Variants in CD163L1 observed in about 807,000 individuals in gnomAD.
CD163L1 encodes the protein scavenger receptor cysteine-rich type 1 protein M160.
In CD163L1, 124 loss-of-function variants were observed where a neutral mutation model predicts 165.4. The observed-to-expected ratio is 0.75, with a 90% CI of 0.65 to 0.87. The LOEUF (loss-of-function observed/expected upper bound fraction) is 0.87, where lower values mean the gene tolerates loss of function less well. Among genes scored for constraint, CD163L1 ranks in the 40% least tolerant of loss-of-function variants. The pLI is 0.00. For synonymous variants in CD163L1, 585 were observed against 662.2 expected, an observed-to-expected ratio of 0.88 and a Z score of 1.79; for missense variants, 1,525 against 1,799.9, an observed-to-expected ratio of 0.85 and a Z score of 2.76.
intron 2 of CD163L1, among the ~76,000 whole-genome samples, 187 bp from the exon 3 acceptor site, chr12:7,433,881 C>G (rs1044754303): frequency 1.3e-5 from 2 of 152,104 alleles, no homozygotes; most frequent in Non-Finnish European, 2.9e-5. Flanking sequence ...GAACTAGAGA[C>G]CACATTGCAG....
At chr12:7,363,219 G>T (rs1011727456) in intron 18 of CD163L1, among the ~76,000 whole-genome samples, 2 of 152,020 alleles carry the variant, frequency 1.3e-5, no homozygotes, top group Non-Finnish European at 2.9e-5. Context: ...TGAGGCAGGA[G>T]ATTTGCTTGA....
chr12:7,379,712 C>G (rs1285098446), intron 8 of CD163L1, among the ~76,000 whole-genome samples: 1 of 151,898 alleles, frequency 6.6e-6, no homozygotes, highest in Non-Finnish European at 1.5e-5. Context: ...AATGAAAAGT[C>G]AAGGAAAAAC....
At chr12:7,418,000 G>A (rs916284855) in intron 4 of CD163L1, among the ~76,000 whole-genome samples, 1 of 136,734 alleles carries the variant, frequency 7.3e-6, no homozygotes, top group Non-Finnish European at 1.5e-5. Flanking sequence ...GAGTGTAGAG[G>A]TAAAAATGGC....
rs144552492 is a variant in CD163L1 at position 7,379,147 on chromosome 12, C to T, written c.2202G>A (p.Gly734=). 266 of 1,614,024 alleles carry T rather than the reference C, an allele frequency of 1.6e-4. No homozygotes were observed. The highest frequency in any genetic ancestry group is 6.8e-4 in the South Asian group (62 of 91,074). ...AEVVCRQLEC[G]SAIRVSREPH... Reference sequence around the variant, plus strand: ...GCTCTCTGGAGACCCTGATTGCAGACCCACATTCAAGTTGCCTGCAAACAA... The same window carrying T: ...GCTCTCTGGAGACCCTGATTGCAGATCCACATTCAAGTTGCCTGCAAACAA... The change falls in exon 9 of 20, where the codon GGG becomes GGA. Residue 734 remains glycine (G), a synonymous_variant. Transcript: ENST00000313599.
chr12:7,395,160 C>T (rs969078515), intron 8 of CD163L1, among the ~76,000 whole-genome samples: 1 of 152,164 alleles, frequency 6.6e-6, no homozygotes, highest in African/African-American at 2.4e-5. Flanking sequence ...TTTATTGCGG[C>T]ACTATTCACA....
intron 4 of CD163L1, among the ~76,000 whole-genome samples, chr12:7,427,030 CCT>C (rs1948555838): frequency 6.6e-6 from 1 of 151,904 alleles, no homozygotes; most frequent in Non-Finnish European, 1.5e-5. Flanking sequence ...TATATGAGCC[CCT>C]GTCAAAGCAC....
intron 4 of CD163L1, among the ~76,000 whole-genome samples, chr12:7,421,582 T>TACAC (rs1948422983): frequency 1.4e-5 from 1 of 69,690 alleles, no homozygotes; most frequent in African/African-American, 5.6e-5. Flanking sequence ...TACATGTACA[T>TACAC]ATATACATAT....
chr12:7,433,465 A>C lies in CD163L1; in HGVS notation c.354T>G (p.Tyr118Ter). Reference sequence around the variant, plus strand: ...ATTCCCAGAGAGCTGACTCATTTCCATAACAGGAAACATCATCAAGCCAAA... The same window carrying C: ...ATTCCCAGAGAGCTGACTCATTTCCCTAACAGGAAACATCATCAAGCCAAA... ...GKIWLDDVSCYGNESALWECQ... is the reference protein window; with the variant it reads ...GKIWLDDVSC The change falls in exon 3 of 20, where the codon TAT (tyrosine) becomes TAG (stop). Residue 118 changes from tyrosine to a stop codon, truncating the protein, a stop_gained. Transcript: ENST00000313599. LOFTEE classifies it high-confidence loss of function. 1 of 1,614,108 alleles carries C rather than the reference A, an allele frequency of 6.2e-7. No individual in the cohort carries two copies. The highest frequency in any genetic ancestry group is 8.5e-7 in the Non-Finnish European group (1 of 1,179,984).
rs1457930517 is a variant in CD163L1, at chr12:7,354,973, T to G, written c.*182A>C. 6.6e-6 allele frequency: 1 copy of G among 152,176 alleles called. No individual in the cohort carries two copies. The highest frequency in any genetic ancestry group is 1.5e-5 in the Non-Finnish European group (1 of 68,016). 9.4% of individuals were successfully genotyped at this position (152,176 alleles called of 1,614,324 possible). A position where few individuals can be genotyped will look rare whatever the true frequency, so the allele number is the denominator to read the frequency against. The stretch of plus-strand genomic sequence containing the variant: ...ACATTCAGTCCATTTAACAGTGATA[T>G]ACATAATTCAATTTTTATTATCACC... On this transcript the variant is annotated 3_prime_UTR_variant, in exon 20 of 20. Transcript: ENST00000313599.
At chr12:7,328,447 A>G in the CD163L1 span, 1 of 1,166,460 alleles carries the variant, frequency 8.6e-7, no homozygotes, top group South Asian at 1.6e-5. Context: ...TAATTCAGCG[A>G]CTACTCTCTT....
chr12:7,420,822 T>C (rs1028281136), intron 4 of CD163L1, among the ~76,000 whole-genome samples: 44 of 151,640 alleles, frequency 2.9e-4, no homozygotes, highest in Non-Finnish European at 1.0e-4. Context: ...AAACTATCAT[T>C]AGACCCAACA....
intron 8 of CD163L1, among the ~76,000 whole-genome samples, chr12:7,379,541 G>C (rs1469561612): frequency 6.6e-6 from 1 of 152,068 alleles, no homozygotes; most frequent in Non-Finnish European, 1.5e-5. Flanking sequence ...AACATTTCTG[G>C]CTTACAAAGC....
At chr12:7,409,385 A>G (rs1408706146) in intron 4 of CD163L1, among the ~76,000 whole-genome samples, 1 of 151,990 alleles carries the variant, frequency 6.6e-6, no homozygotes, top group Non-Finnish European at 1.5e-5. Flanking sequence ...TGTGGAAAAA[A>G]ATTTTTCCAC....
Position 7,432,577 on chromosome 12 carries a change from AAAG to A in CD163L1, c.602_604del (p.Ser201del), listed in dbSNP as rs1435430881. The A allele has an allele frequency of 1.2e-6, 2 of 1,614,176 alleles. No homozygotes were observed. Among genetic ancestry groups the A allele is most frequent in the Non-Finnish European group, 1.7e-6 (2 of 1,180,020 alleles). ...GCTATTAACAACTCCAGAAGAAATA[AAAG>A]AAGATGGACATCCTAGTTGCCTGCA... On this transcript the variant is annotated inframe_deletion, in exon 4 of 20. Coordinates refer to ENST00000313599, the MANE Select transcript of CD163L1 (RefSeq NM_174941.6). The surrounding 1 kb of genome is among the most constrained non-coding windows in gnomAD (Gnocchi z 4.2).
Position 7,400,017 on chromosome 12 carries a change from C to A in CD163L1, c.1409-1433G>T, listed in dbSNP as rs10444429. Reference sequence around the variant, plus strand: ...TTGCTATCCAGTATGACAACTCTTCCATGTGTATATAATAATCTTACATTC... The same window carrying A: ...TTGCTATCCAGTATGACAACTCTTCAATGTGTATATAATAATCTTACATTC... On this transcript the variant is annotated intron_variant, in intron 6 of 19. Coordinates refer to ENST00000313599, the MANE Select transcript of CD163L1 (RefSeq NM_174941.6). The surrounding 1 kb of genome is among the most constrained non-coding windows in gnomAD (Gnocchi z 4.1). 0.49 allele frequency among the ~76,000 whole-genome samples: 74,050 copies of A among 151,962 alleles called. 22,559 individuals carry two copies. Among genetic ancestry groups the A allele is most frequent in the Non-Finnish European group, 0.69 (47,026 of 67,934 alleles).
chr12:7,365,787 G>T (rs4882999), intron 18 of CD163L1, among the ~76,000 whole-genome samples: 6 of 151,962 alleles, frequency 3.9e-5, no homozygotes, highest in South Asian at 2.1e-4. Flanking sequence ...TATGAAGAAA[G>T]GAGAACCCTC....
downstream of CD163L1, among the ~76,000 whole-genome samples, chr12:7,344,840 G>GCTA (rs1946658541): frequency 6.6e-6 from 1 of 152,236 alleles, no homozygotes; most frequent in South Asian, 2.1e-4. Flanking sequence ...TGAAGCTGCT[G>GCTA]CTACAACTGT....
At position 7,433,694 on chromosome 12, in the gene CD163L1, T is replaced by A. The variant is rs1565818517; in HGVS notation, c.125A>T (p.Asn42Ile). ...LNSCFLISSF[N>I]GTDLELRLVN... The stretch of plus-strand genomic sequence containing the variant: ...CAGCCTCAACTCCAAATCTGTTCCA[T>A]CTGCAAGAAAGACAGAAACATACAT... Residue 42 changes from asparagine (N) to isoleucine (I), a missense_variant and splice_region_variant, in exon 3 of 20, where the codon AAT becomes ATT. Coordinates refer to ENST00000313599, the MANE Select transcript of CD163L1 (RefSeq NM_174941.6). The A allele has an allele frequency of 1.2e-6, 2 of 1,601,996 alleles. No individual in the cohort carries two copies.
chr12:7,439,616 G>C, intron 2 of CD163L1: 1 of 1,598,992 alleles, frequency 6.3e-7, no homozygotes, highest in Admixed American at 1.7e-5. Flanking sequence ...TTTAAGGATA[G>C]TCTCTGAATA....
Sources: gnomAD v4.1 joint callset for allele counts (sites outside exome capture counted in the v4.1 genomes callset) on GRCh38, gnomAD v4.1.1 for gene constraint, Gnocchi (gnomAD v3.1) non-coding constraint, MANE v1.5 for transcripts, NCBI Gene and HGNC (gene_info 2026-07-23, HGNC 2026-07-21) for gene names.